Variants in CCDC149 observed in about 807,000 individuals in gnomAD.
CCDC149 encodes the protein coiled-coil domain-containing protein 149.
CCDC149 carries 45 observed loss-of-function variants against 59.9 expected under a neutral mutation model. The observed-to-expected ratio is 0.75, with a 90% CI of 0.59 to 0.96. CCDC149 has a LOEUF of 0.96. Among genes scored for constraint, CCDC149 ranks in the 40% least tolerant of loss-of-function variants. CCDC149 has a pLI of 0.00. For synonymous variants in CCDC149, 245 were observed against 260.6 expected (o/e 0.94, Z 0.58); for missense variants, 584 against 664.7 (o/e 0.88, Z 1.33).
chr4:24,818,390 T>C (rs1715151143), intron 12 of CCDC149, among the ~76,000 whole-genome samples: 1 of 152,164 alleles, frequency 6.6e-6, no homozygotes, highest in Non-Finnish European at 1.5e-5. Flanking sequence ...AAAAACACTT[T>C]GAGTGTATTT....
chr4:24,934,915 T>A (rs1229144078), intron 1 of CCDC149, among the ~76,000 whole-genome samples: 1 of 152,232 alleles, frequency 6.6e-6, no homozygotes, highest in Non-Finnish European at 1.5e-5. Context: ...TCATGAGACT[T>A]GAAGGTCATG....
rs548822071 is a variant in CCDC149 at position 24,807,220 on chromosome 4, T to C, written c.*1169A>G. ...ACTTTTAGTTTTCTGCAGTGCCGGA[T>C]GCCAACTAGAAAAGCTCATTTTTAT... is the stretch of plus-strand genomic sequence containing the variant. On this transcript the variant is annotated 3_prime_UTR_variant, in exon 13 of 13. Transcript: ENST00000635206. 1 of 152,294 alleles carries C rather than the reference T, an allele frequency of 6.6e-6. No individual in the cohort carries two copies. The highest frequency in any genetic ancestry group is 2.1e-4 in the South Asian group (1 of 4,820). 9.4% of individuals were successfully genotyped at this position (152,294 alleles called of 1,614,324 possible).
intron 4 of CCDC149, among the ~76,000 whole-genome samples, chr4:24,839,063 GAGAGAGAGAGAGAA>G (rs1447507671): frequency 1.0e-4 from 6 of 60,100 alleles, no homozygotes; most frequent in East Asian, 1.4e-3. Context: ...CACACACACA[GAGAGAGAGAGAGAA>G]AGAGAGAGAG....
intron 1 of CCDC149, among the ~76,000 whole-genome samples, chr4:24,877,644 T>C (rs1259958118): frequency 6.6e-6 from 1 of 152,240 alleles, no homozygotes; most frequent in Non-Finnish European, 1.5e-5. Context: ...TAACTTTTCC[T>C]ATGATTCAAA....
At chr4:24,895,986 G>A (rs577806665) in intron 1 of CCDC149, among the ~76,000 whole-genome samples, 3 of 152,334 alleles carry the variant, frequency 2.0e-5, no homozygotes, top group Admixed American at 1.3e-4. Context: ...TGAGGAAAGC[G>A]GTCTTGCAGC....
intron 1 of CCDC149, among the ~76,000 whole-genome samples, chr4:24,910,568 T>A (rs534229264): frequency 2.6e-5 from 4 of 152,314 alleles, no homozygotes; most frequent in African/African-American, 4.8e-5. Flanking sequence ...TAGGCCATAC[T>A]CTAAGAAACA....
At chr4:24,873,651 A>G in intron 3 of CCDC149, 30 bp downstream of exon 3, 1 of 1,520,050 alleles carries the variant, frequency 6.6e-7, no homozygotes, top group Non-Finnish European at 9.1e-7. Flanking sequence ...GGTATCAATA[A>G]AAAAATCTGA....
chr4:24,866,463 G>C (rs1718698047), intron 3 of CCDC149, among the ~76,000 whole-genome samples: 1 of 152,128 alleles, frequency 6.6e-6, no homozygotes, highest in Non-Finnish European at 1.5e-5. Context: ...TGCTTTGCAG[G>C]AACTGCTTGT....
intron 12 of CCDC149, among the ~76,000 whole-genome samples, chr4:24,813,497 T>TATATATATATATATATATATATATATAC (rs1714779528): frequency 8.4e-4 from 13 of 15,422 alleles, no homozygotes; most frequent in African/African-American, 1.7e-3. Flanking sequence ...GGAATATATA[T>TATATATATATATATATATATATATATAC]ATATATATAT....
intron 12 of CCDC149, among the ~76,000 whole-genome samples, chr4:24,816,751 G>A (rs1216466676): frequency 6.6e-6 from 1 of 151,992 alleles, no homozygotes; most frequent in Non-Finnish European, 1.5e-5. Context: ...GGCTACAAAC[G>A]CATTATGACA....
chr4:24,893,572 G>A (rs1374787144), intron 1 of CCDC149, among the ~76,000 whole-genome samples: 1 of 139,304 alleles, frequency 7.2e-6, no homozygotes, highest in South Asian at 2.5e-4. Flanking sequence ...AGGGTTTTAA[G>A]TAAGAGAATG....
chr4:24,895,252 T>G (rs1720776679), intron 1 of CCDC149: 1 of 579,564 alleles, frequency 1.7e-6, no homozygotes, highest in South Asian at 2.1e-5. Context: ...GGGGATGCTC[T>G]AGAACTTGCT....
intron 7 of CCDC149, 57 bp downstream of exon 7, chr4:24,836,379 A>C: frequency 8.7e-7 from 1 of 1,153,058 alleles, no homozygotes; most frequent in Non-Finnish European, 1.3e-6. Flanking sequence ...ATTAAAATAG[A>C]ATGACGTTTA....
At chr4:24,954,639 G>A (rs1008334720) in intron 1 of CCDC149, among the ~76,000 whole-genome samples, 1 of 152,214 alleles carries the variant, frequency 6.6e-6, no homozygotes, top group Non-Finnish European at 1.5e-5. Flanking sequence ...GTACTGCATT[G>A]GAATGCAGGG....
chr4:24,848,887 G>A (rs1002128732), intron 4 of CCDC149, among the ~76,000 whole-genome samples: 17 of 152,138 alleles, frequency 1.1e-4, no homozygotes, highest in South Asian at 2.1e-4. Flanking sequence ...CATTACATTC[G>A]TAGGTAGAAG....
chr4:24,978,459 G>A (rs1203297727), intron 1 of CCDC149, among the ~76,000 whole-genome samples: 1 of 152,208 alleles, frequency 6.6e-6, no homozygotes, highest in East Asian at 1.9e-4. Context: ...GTTTGCATAT[G>A]TGGTTCACAT....
At chr4:24,895,968 A>C (rs1398003712) in intron 1 of CCDC149, among the ~76,000 whole-genome samples, 2 of 152,236 alleles carry the variant, frequency 1.3e-5, no homozygotes, top group African/African-American at 4.8e-5. Flanking sequence ...GGTTAGCAGA[A>C]GCAGAGATGA....
chr4:24,832,395 A>G lies in CCDC149; in HGVS notation c.821-745T>C, dbSNP rs1716217911. On this transcript the variant is annotated intron_variant, in intron 8 of 12. Coordinates refer to ENST00000635206, the MANE Select transcript of CCDC149 (RefSeq NM_001330643.2). ...ATATCTAAATATTGGGAAAGAGTACATTATGCAAAAACTAGCTGTTCTTGG... is the reference window on the plus strand; with the variant it reads ...ATATCTAAATATTGGGAAAGAGTACGTTATGCAAAAACTAGCTGTTCTTGG... Among the ~76,000 whole-genome samples, 3 of 152,354 alleles carry G rather than the reference A, an allele frequency of 2.0e-5. No individual in the cohort carries two copies. The South Asian group carries it at 6.2e-4, about 32-fold the overall frequency.
At chr4:24,856,524 G>C (rs1349876155) in intron 3 of CCDC149, among the ~76,000 whole-genome samples, 1 of 152,212 alleles carries the variant, frequency 6.6e-6, no homozygotes. Flanking sequence ...AAAGGAGAGA[G>C]AGAGCCTTGT....
Sources: gnomAD v4.1 joint callset for allele counts (sites outside exome capture counted in the v4.1 genomes callset) on GRCh38, gnomAD v4.1.1 for gene constraint, MANE v1.5 for transcripts, NCBI Gene and HGNC (gene_info 2026-07-23, HGNC 2026-07-21) for gene names.